Variants in DDC observed in about 807,000 individuals in gnomAD.
DDC encodes the protein aromatic-L-amino-acid decarboxylase.
In DDC, 43 loss-of-function variants were observed where a neutral mutation model predicts 60.0. The ratio of observed to expected loss-of-function variants is 0.72; its 90% confidence interval spans 0.56 to 0.92. The LOEUF is 0.92. DDC is among the 40% of genes least tolerant of loss of function. DDC has a pLI of 0.00. For missense variants in DDC, 573 were observed against 620.2 expected (o/e 0.92, Z 0.81); for synonymous variants, 232 against 234.6 (o/e 0.99, Z 0.10).
At position 50,537,913 on chromosome 7, in the gene DDC, G is replaced by A. The variant is rs745673193; in HGVS notation, c.382C>T (p.Leu128=). ...MMDWLGKMLE[L]PKAFLNEKAG... ...TTCTCATTCAAAAATGCCTTTGGTA[G>A]TTCCAGCATCTTCCCGAGCCAGTCC... The change falls in exon 4 of 15, where the codon CTA becomes TTA. Residue 128 remains leucine (L), a synonymous_variant. Coordinates refer to ENST00000444124, the MANE Select transcript of DDC (RefSeq NM_001082971.2). 2 of 1,614,040 alleles carry A rather than the reference G, an allele frequency of 1.2e-6. No individual in the cohort carries two copies. The highest frequency in any genetic ancestry group is 1.7e-6 in the Non-Finnish European group (2 of 1,180,048).
intron 9 of DDC, among the ~76,000 whole-genome samples, chr7:50,482,857 A>T (rs2042799716): frequency 6.6e-6 from 1 of 152,122 alleles, no homozygotes; most frequent in Non-Finnish European, 1.5e-5. Flanking sequence ...AAAAAATGCA[A>T]CCTTAAAAAT....
chr7:50,519,512 T>A (rs1201080194), intron 6 of DDC, among the ~76,000 whole-genome samples: 1 of 152,108 alleles, frequency 6.6e-6, no homozygotes, highest in Non-Finnish European at 1.5e-5. Context: ...AATCAACGAA[T>A]AAATAAAGAA....
chr7:50,540,171 C>A, intron 2 of DDC, 143 bp from the exon 3 acceptor site: 2 of 693,180 alleles, frequency 2.9e-6, no homozygotes, highest in Admixed American at 4.1e-5. Context: ...CAAATGTCAG[C>A]CATCCCATTA....
chr7:50,531,255 G>A (rs1334157930), intron 4 of DDC, among the ~76,000 whole-genome samples: 3 of 152,166 alleles, frequency 2.0e-5, no homozygotes, highest in Admixed American at 2.0e-4. Context: ...CCTGAGAGCA[G>A]GCATTGTACC....
rs1371518242 is a variant in DDC at position 50,563,254 on chromosome 7, G to T, written c.-29+2031C>A. Among the ~76,000 whole-genome samples the T allele has an allele frequency of 5.3e-5, 8 of 151,858 alleles. No homozygotes were observed. The South Asian group carries it at 1.7e-3, about 32-fold the overall frequency. The stretch of plus-strand genomic sequence containing the variant: ...CTAATTTAATTAATTGGATTGAATT[G>T]CAGTCAGAGAACATGTTGGTGTGAG... On this transcript the variant is annotated intron_variant, in intron 1 of 14. Coordinates refer to ENST00000444124, the MANE Select transcript of DDC (RefSeq NM_001082971.2).
chr7:50,497,708 T>C (rs2043156851), intron 8 of DDC, among the ~76,000 whole-genome samples: 1 of 152,146 alleles, frequency 6.6e-6, no homozygotes, highest in Non-Finnish European at 1.5e-5. Flanking sequence ...ATACCCTCTC[T>C]CCAGTGCGTA....
intron 6 of DDC, among the ~76,000 whole-genome samples, chr7:50,519,751 C>T (rs373466746): frequency 3.3e-4 from 50 of 151,018 alleles, no homozygotes; most frequent in South Asian, 1.3e-3. Context: ...AGAGTGGGAG[C>T]GGGGGTGAGG....
intron 6 of DDC, among the ~76,000 whole-genome samples, chr7:50,521,985 A>AG (rs1381730869): frequency 6.6e-6 from 1 of 151,770 alleles, no homozygotes; most frequent in Non-Finnish European, 1.5e-5. Flanking sequence ...AGGAAAGAAA[A>AG]AAAGTATCTT....
intron 7 of DDC, among the ~76,000 whole-genome samples, chr7:50,503,620 G>T (rs1043467376): frequency 2.6e-5 from 4 of 152,206 alleles, no homozygotes; most frequent in East Asian, 1.9e-4. Flanking sequence ...TTAAATTCAA[G>T]TGTGGACAAT....
chr7:50,472,913 T>C (rs2042564682), intron 11 of DDC, among the ~76,000 whole-genome samples: 3 of 152,208 alleles, frequency 2.0e-5, no homozygotes, highest in African/African-American at 7.2e-5. Flanking sequence ...CTGATGGATC[T>C]TCTCCCCAGA....
chr7:50,474,810 A>G (rs374995079), intron 11 of DDC, among the ~76,000 whole-genome samples: 1 of 152,248 alleles, frequency 6.6e-6, no homozygotes, highest in South Asian at 2.1e-4. Flanking sequence ...TTTTTTTCTA[A>G]TGATATCTAA....
At chr7:50,553,935 CA>C (rs1301727675) in intron 1 of DDC, among the ~76,000 whole-genome samples, 1 of 152,070 alleles carries the variant, frequency 6.6e-6, no homozygotes, top group Non-Finnish European at 1.5e-5. Context: ...AAACTTGCCT[CA>C]AAAAAACATC....
At chr7:50,485,870 C>T (rs536008948) in intron 9 of DDC, among the ~76,000 whole-genome samples, 1 of 152,288 alleles carries the variant, frequency 6.6e-6, no homozygotes, top group African/African-American at 2.4e-5. Context: ...AAGCCAACCT[C>T]GACCAAGCAT....
intron 5 of DDC, 90 bp from the exon 6 acceptor site, chr7:50,528,370 C>G: frequency 5.2e-6 from 8 of 1,532,756 alleles, no homozygotes; most frequent in Non-Finnish European, 7.2e-6. Context: ...GCCAACATTG[C>G]AAACACAAGG....
At chr7:50,558,522 C>T (rs184537620) in intron 1 of DDC, among the ~76,000 whole-genome samples, 1 of 152,304 alleles carries the variant, frequency 6.6e-6, no homozygotes, top group East Asian at 1.9e-4. Flanking sequence ...GTTGCCACAT[C>T]CTATTGTCCA....
At chr7:50,514,532 C>G (rs140555936) in intron 6 of DDC, among the ~76,000 whole-genome samples, 1 of 152,126 alleles carries the variant, frequency 6.6e-6, no homozygotes, top group Non-Finnish European at 1.5e-5. Context: ...TTAAGCTAAT[C>G]GGGGAAGCAC....
chr7:50,470,807 C>A (rs570236578), intron 11 of DDC, among the ~76,000 whole-genome samples: 4 of 152,300 alleles, frequency 2.6e-5, no homozygotes, highest in African/African-American at 9.6e-5. Context: ...CCGGCCCCCA[C>A]ACACTGAGGG....
intron 6 of DDC, among the ~76,000 whole-genome samples, chr7:50,508,057 C>T (rs755755516): frequency 1.3e-5 from 2 of 152,236 alleles, no homozygotes; most frequent in Non-Finnish European, 2.9e-5. Flanking sequence ...AGTCCCTGAA[C>T]ATCAGTTAAC....
At chr7:50,479,574 C>T (rs1007529853) in intron 10 of DDC, among the ~76,000 whole-genome samples, 4 of 152,150 alleles carry the variant, frequency 2.6e-5, no homozygotes, top group African/African-American at 9.7e-5. Context: ...GCTTCTAGAG[C>T]AGGAGCCTCC....
Sources: allele counts gnomAD v4.1 joint callset (sites outside exome capture counted in the v4.1 genomes callset), GRCh38; gene constraint gnomAD v4.1.1; transcripts MANE v1.5; gene names NCBI Gene and HGNC (gene_info 2026-07-23, HGNC 2026-07-21).